Variants in CACNA2D1 observed in about 807,000 individuals in gnomAD.
CACNA2D1 encodes calcium voltage-gated channel auxiliary subunit alpha2delta 1, also known as voltage-dependent calcium channel subunit alpha-2/delta-1.
Under a neutral mutation model 171.5 loss-of-function variants are expected in CACNA2D1, and 53 were observed. That is an observed-to-expected ratio of 0.31 (90% CI 0.25 to 0.39). The LOEUF is 0.39. CACNA2D1 is among the 10% of genes least tolerant of loss of function. The probability of loss-of-function intolerance (pLI) is 1.00; values close to 1 mark genes in which losing one functional copy is unlikely to be tolerated. For synonymous variants in CACNA2D1, 442 were observed against 443.1 expected (o/e 1.00, Z 0.03); for missense variants, 903 against 1,299.8 (o/e 0.69, Z 4.69).
chr7:82,205,909 A>C (rs937249282), intron 3 of CACNA2D1, among the ~76,000 whole-genome samples: 1 of 152,116 alleles, frequency 6.6e-6, no homozygotes, highest in African/African-American at 2.4e-5. Context: ...AATCCTTTTC[A>C]TTTTGATAGA....
At chr7:82,412,530 GC>G (rs1388441072) in intron 1 of CACNA2D1, among the ~76,000 whole-genome samples, 5 of 151,780 alleles carry the variant, frequency 3.3e-5, no homozygotes, top group Admixed American at 2.0e-4. Flanking sequence ...TAATCTGCCC[GC>G]CTCAGCCTCC....
chr7:82,403,236 G>A (rs1425368071), intron 1 of CACNA2D1, among the ~76,000 whole-genome samples: 2 of 152,144 alleles, frequency 1.3e-5, no homozygotes, highest in Admixed American at 6.5e-5. Context: ...GAAACCCAGT[G>A]GGCCTGAAAT....
At chr7:82,185,476 G>A (rs1797575723) in intron 3 of CACNA2D1, among the ~76,000 whole-genome samples, 3 of 40,494 alleles carry the variant, frequency 7.4e-5, no homozygotes, top group Non-Finnish European at 1.6e-4. Flanking sequence ...AGAGAGGGGG[G>A]GAGGGGGAGG....
chr7:82,161,012 A>G (rs1226551460), intron 4 of CACNA2D1, among the ~76,000 whole-genome samples: 1 of 152,054 alleles, frequency 6.6e-6, no homozygotes, highest in East Asian at 1.9e-4. Context: ...GAGCCTTCAT[A>G]AGGAAATGAA....
In CACNA2D1 at chr7:81,949,750, A is replaced by G. The variant is rs1792320604; in HGVS notation, c.*642T>C. 6.6e-6 allele frequency: 1 copy of G among 152,178 alleles called. No homozygotes were observed. Among genetic ancestry groups the G allele is most frequent in the South Asian group, 2.1e-4 (1 of 4,836 alleles). 9.4% of individuals were successfully genotyped at this position (152,178 alleles called of 1,614,324 possible). A position where few individuals can be genotyped will look rare whatever the true frequency, so the allele number is the denominator to read the frequency against. On this transcript the variant is annotated 3_prime_UTR_variant, in exon 39 of 39. Transcript: ENST00000356860. ...CTTAGTTACTATTTTCAAACCATCA[A>G]TTCATTACCCCATCAAAATTGAATT...
rs527707557 is a variant in CACNA2D1, at chr7:82,120,180, C to T, written c.397-3007G>A. Among the ~76,000 whole-genome samples, 515 of 152,148 alleles carry T rather than the reference C, an allele frequency of 3.4e-3. 6 individuals carry two copies. Among genetic ancestry groups the T allele is most frequent in the South Asian group, 0.029 (138 of 4,822 alleles). The stretch of plus-strand genomic sequence containing the variant: ...CTGGGTGACAGAATGAGACTGTGCA[C>T]GCACGCACGTGTGTCTGTGTGTGTG... On this transcript the variant is annotated intron_variant, in intron 5 of 38. Coordinates refer to ENST00000356860, the MANE Select transcript of CACNA2D1 (RefSeq NM_000722.4).
chr7:82,278,294 C>T (rs1473974859), intron 3 of CACNA2D1, among the ~76,000 whole-genome samples: 1 of 152,002 alleles, frequency 6.6e-6, no homozygotes, highest in Non-Finnish European at 1.5e-5. Context: ...TACACATCTT[C>T]CTGGCTGGGC....
intron 4 of CACNA2D1, among the ~76,000 whole-genome samples, chr7:82,145,495 T>G (rs1442088823): frequency 6.9e-6 from 1 of 144,504 alleles, no homozygotes; most frequent in African/African-American, 2.5e-5. Context: ...ACTGTATAGA[T>G]ACAGAATGTG....
At chr7:82,307,849 G>GCTGGAATA (rs1813929166) in intron 3 of CACNA2D1, among the ~76,000 whole-genome samples, 1 of 152,172 alleles carries the variant, frequency 6.6e-6, no homozygotes, top group Non-Finnish European at 1.5e-5. Context: ...ATATTCAAAA[G>GCTGGAATA]CTGGAATACT....
chr7:82,257,074 C>T (rs1806393559), intron 3 of CACNA2D1, among the ~76,000 whole-genome samples: 1 of 152,132 alleles, frequency 6.6e-6, no homozygotes, highest in African/African-American at 2.4e-5. Context: ...CCAGTACTAT[C>T]CAGGTTTTGC....
chr7:81,965,632 AC>A lies in CACNA2D1; in HGVS notation c.2535del (p.Leu847PhefsTer2). On this transcript the variant is annotated frameshift_variant, in exon 32 of 39. Transcript: ENST00000356860. LOFTEE classifies it high-confidence loss of function. The part of the protein sequence containing the change: ...VMDCVILDDG[G>X]FLLMANHDDY... ...TCATCATGATTTGCCATCAGAAGAA[AC>A]CCACCATCATCCAGAATCACACAAT... is the stretch of plus-strand genomic sequence containing the variant. The A allele has an allele frequency of 6.3e-7, 1 of 1,597,062 alleles. No homozygotes were observed. The highest frequency in any genetic ancestry group is 8.6e-7 in the Non-Finnish European group (1 of 1,165,108).
chr7:82,067,934 T>TATGAATCCTTGCCCTATGAAA (rs1807856143), intron 7 of CACNA2D1, among the ~76,000 whole-genome samples: 2 of 152,310 alleles, frequency 1.3e-5, no homozygotes, highest in South Asian at 4.1e-4. Context: ...TGCATCCTTC[T>TATGAATCCTTGCCCTATGAAA]ACCTTGCCCT....
chr7:82,017,376 A>T (rs1462860736), intron 12 of CACNA2D1, among the ~76,000 whole-genome samples: 2 of 152,150 alleles, frequency 1.3e-5, no homozygotes, highest in Admixed American at 1.3e-4. Context: ...TTACATAAGA[A>T]TTTTAACTTC....
intron 6 of CACNA2D1, among the ~76,000 whole-genome samples, chr7:82,085,467 A>G (rs1810344049): frequency 6.6e-6 from 1 of 151,964 alleles, no homozygotes; most frequent in African/African-American, 2.4e-5. Context: ...AGACCACAGT[A>G]ATCAACTATT....
chr7:81,973,381 G>A (rs1795494637), intron 25 of CACNA2D1, among the ~76,000 whole-genome samples: 1 of 152,060 alleles, frequency 6.6e-6, no homozygotes, highest in South Asian at 2.1e-4. Context: ...TTTCAGAGTG[G>A]CTCACTGAAG....
intron 1 of CACNA2D1, among the ~76,000 whole-genome samples, chr7:82,382,287 G>A (rs1244931027): frequency 1.3e-5 from 2 of 152,232 alleles, no homozygotes; most frequent in Non-Finnish European, 2.9e-5. Context: ...AAATGAAAGT[G>A]AGACAGAAGC....
At chr7:82,337,214 A>G (rs1818101115) in intron 2 of CACNA2D1, among the ~76,000 whole-genome samples, 1 of 152,194 alleles carries the variant, frequency 6.6e-6, no homozygotes, top group Non-Finnish European at 1.5e-5. Flanking sequence ...GTTAAAGTCT[A>G]GAACCCCTAG....
At chr7:82,151,424 A>T (rs148490927) in intron 4 of CACNA2D1, among the ~76,000 whole-genome samples, 1 of 152,144 alleles carries the variant, frequency 6.6e-6, no homozygotes, top group Non-Finnish European at 1.5e-5. Context: ...AAAAATCTAC[A>T]TTCTTTTCCT....
At chr7:82,071,378 T>C (rs932698951) in intron 7 of CACNA2D1, among the ~76,000 whole-genome samples, 3 of 152,196 alleles carry the variant, frequency 2.0e-5, no homozygotes, top group African/African-American at 7.2e-5. Flanking sequence ...GATTGTTCTG[T>C]ATTTCTCACT....
Sources: gnomAD v4.1 joint callset for allele counts (sites outside exome capture counted in the v4.1 genomes callset) on GRCh38, gnomAD v4.1.1 for gene constraint, MANE v1.5 for transcripts, NCBI Gene and HGNC (gene_info 2026-07-23, HGNC 2026-07-21) for gene names.